ZNF469: variants seen among roughly 807,000 people sequenced by gnomAD.
The protein encoded by ZNF469 is zinc finger protein 469.
Under a neutral mutation model 1.0 loss-of-function variants are expected in ZNF469, and 1 was observed. The observed-to-expected ratio is 1.00, with a 90% confidence interval of 0.35 to 4.73. The LOEUF (loss-of-function observed/expected upper bound fraction) is 4.73, where lower values mean the gene tolerates loss of function less well. ZNF469 is among the 30% of genes most tolerant of loss of function. The pLI, the probability that ZNF469 is intolerant of heterozygous loss-of-function variation, is 0.16. For synonymous variants in ZNF469, 2,703 were observed against 2,363.4 expected (o/e 1.14, Z -4.17); for missense variants, 6,100 against 5,356.3 (o/e 1.14, Z -4.33).
the ZNF469 span, among the ~76,000 whole-genome samples, chr16:88,218,012 G>A: frequency 2.2e-5 from 2 of 89,840 alleles, no homozygotes; most frequent in East Asian, 2.9e-4. Context: ...CTGAGGAATC[G>A]CCACACTGAC....
the ZNF469 span, among the ~76,000 whole-genome samples, chr16:88,332,934 C>A: frequency 6.6e-6 from 1 of 152,178 alleles, no homozygotes; most frequent in African/African-American, 2.4e-5. Flanking sequence ...GACCTTCCCA[C>A]CCCCCTGTCA....
chr16:88,401,428 C>A (rs1457996196), intron 1 of ZNF469, among the ~76,000 whole-genome samples: 1 of 43,480 alleles, frequency 2.3e-5, no homozygotes, highest in African/African-American at 1.8e-4. Flanking sequence ...TGATGATGGA[C>A]AGATGGATAG....
chr16:88,318,676 G>C, the ZNF469 span, among the ~76,000 whole-genome samples: 1 of 151,584 alleles, frequency 6.6e-6, no homozygotes, highest in African/African-American at 2.4e-5. Context: ...GCCGTGGGGA[G>C]AGGACAGAGC....
At chr16:88,244,413 A>ATGGGTGGATGGATGGATGGATGGT in the ZNF469 span, among the ~76,000 whole-genome samples, 60 of 145,858 alleles carry the variant, frequency 4.1e-4, no homozygotes, top group African/African-American at 1.5e-3. Context: ...GGATGGATGG[A>ATGGGTGGATGGATGGATGGATGGT]TGGATGGATG....
chr16:88,202,934 C>T, the ZNF469 span, among the ~76,000 whole-genome samples: 10 of 152,300 alleles, frequency 6.6e-5, no homozygotes, highest in East Asian at 1.9e-3. Context: ...CCGGGTGCCG[C>T]AGCCGATGCC....
At chr16:88,312,799 G>A in the ZNF469 span, among the ~76,000 whole-genome samples, 1 of 152,092 alleles carries the variant, frequency 6.6e-6, no homozygotes, top group Non-Finnish European at 1.5e-5. Flanking sequence ...TCCACTGATG[G>A]GTCCACCCAT....
At chr16:88,170,255 T>C in the ZNF469 span, among the ~76,000 whole-genome samples, 1 of 152,228 alleles carries the variant, frequency 6.6e-6, no homozygotes, top group Non-Finnish European at 1.5e-5. This position sits in a 1 kb window ranked among gnomAD's most constrained non-coding sequence, Gnocchi z 4.2. Context: ...ATCCAGCTAA[T>C]TGTCACATCC....
chr16:88,419,592 C>A (rs1002866183), intron 1 of ZNF469, among the ~76,000 whole-genome samples: 2 of 152,146 alleles, frequency 1.3e-5, no homozygotes, highest in African/African-American at 4.8e-5. Context: ...GACAGCCTCC[C>A]TAACCCCCGG....
chr16:88,338,190 C>T, the ZNF469 span, among the ~76,000 whole-genome samples: 13 of 151,932 alleles, frequency 8.6e-5, no homozygotes, highest in East Asian at 5.8e-4. Flanking sequence ...GACCCTCCGG[C>T]GCCTCCAATC....
At chr16:88,297,142 C>T in the ZNF469 span, among the ~76,000 whole-genome samples, 4 of 152,300 alleles carry the variant, frequency 2.6e-5, no homozygotes, top group South Asian at 2.1e-4. Context: ...GCTCTAGCCT[C>T]GAAACCTGCA....
the ZNF469 span, among the ~76,000 whole-genome samples, chr16:88,362,370 A>T: frequency 3.3e-5 from 5 of 152,332 alleles, no homozygotes; most frequent in East Asian, 9.6e-4. Flanking sequence ...GAAGACCTGA[A>T]TTTCTATCTG....
At position 88,428,280 on chromosome 16, in the gene ZNF469, A is replaced by T. The variant is rs1473350941; in HGVS notation, c.810A>T (p.Gly270=). 1 of 1,550,314 alleles carries T rather than the reference A, an allele frequency of 6.5e-7. No individual in the cohort carries two copies. The highest frequency in any genetic ancestry group is 8.7e-7 in the Non-Finnish European group (1 of 1,146,924). ...KGSRPGGSPR[G]VSFQFPFPAL... is the part of the protein sequence containing the mutation. ...GCAGGCCCGGCGGCAGCCCCAGGGG[A>T]GTTTCCTTCCAGTTCCCCTTCCCGG... The change falls in exon 3 of 3, where the codon GGA becomes GGT. Residue 270 remains glycine, a synonymous_variant. Coordinates refer to ENST00000565624, the MANE Select transcript of ZNF469 (RefSeq NM_001367624.2).
At chr16:88,280,382 C>G in the ZNF469 span, among the ~76,000 whole-genome samples, 2 of 151,710 alleles carry the variant, frequency 1.3e-5, no homozygotes, top group African/African-American at 2.4e-5. Flanking sequence ...GTGCACAGAT[C>G]AGTGCTGTGC....
the ZNF469 span, among the ~76,000 whole-genome samples, chr16:88,118,860 A>G: frequency 6.6e-6 from 1 of 152,208 alleles, no homozygotes; most frequent in Non-Finnish European, 1.5e-5. Flanking sequence ...GAATGCTGAG[A>G]TGAGTTTACA....
chr16:88,437,130 C>T lies in ZNF469; in HGVS notation c.9660C>T (p.Gly3220=). 6.5e-7 allele frequency: 1 copy of T among 1,548,564 alleles called. No individual in the cohort carries two copies. The highest frequency in any genetic ancestry group is 8.7e-7 in the Non-Finnish European group (1 of 1,146,590). Residue 3220 remains glycine (G), a synonymous_variant, in exon 3 of 3, where the codon GGC becomes GGT. Transcript: ENST00000565624. The stretch of plus-strand genomic sequence containing the variant: ...GGGACCTGCCCGGAGGCCTGGAGGG[C>T]AGCAGCGCTGTCGCCCACCTTCTGA... ...SLGDLPGGLE[G]SSAVAHLLNS...
the ZNF469 span, among the ~76,000 whole-genome samples, chr16:88,133,058 T>G: frequency 0.79 from 119,933 of 152,040 alleles, 48,699 homozygotes; most frequent in Non-Finnish European, 0.93. Context: ...CACACACAGG[T>G]TGGGGGCCGG....
At chr16:88,389,817 C>G (rs1162355383) in intron 1 of ZNF469, among the ~76,000 whole-genome samples, 1 of 152,096 alleles carries the variant, frequency 6.6e-6, no homozygotes, top group Non-Finnish European at 1.5e-5. Context: ...ACAGCGCAGT[C>G]CCCCAGGAGG....
At chr16:88,184,663 C>T in the ZNF469 span, among the ~76,000 whole-genome samples, 1 of 152,004 alleles carries the variant, frequency 6.6e-6, no homozygotes, top group African/African-American at 2.4e-5. Context: ...AAAGCAGAAC[C>T]CCCAGTGATT....
the ZNF469 span, among the ~76,000 whole-genome samples, chr16:88,246,883 ATGAG>A: frequency 1.1e-3 from 163 of 151,062 alleles, 2 homozygotes; most frequent in East Asian, 1.6e-3. Context: ...GAGTGAATGA[ATGAG>A]TGAGTGAATG....
Sources: allele counts gnomAD v4.1 joint callset (sites outside exome capture counted in the v4.1 genomes callset), GRCh38; gene constraint gnomAD v4.1.1; non-coding constraint Gnocchi (gnomAD v3.1); transcripts MANE v1.5; gene names NCBI Gene and HGNC (gene_info 2026-07-23, HGNC 2026-07-21).